The following TTC27 variants were observed in gnomAD, a reference collection of about 807,000 sequenced individuals.
TTC27 encodes tetratricopeptide repeat domain 27.
TTC27 carries 79 observed loss-of-function variants against 115.9 expected under a neutral mutation model. The ratio of observed to expected loss-of-function variants is 0.68; its 90% CI spans 0.57 to 0.82. TTC27 has a LOEUF of 0.82. TTC27 is among the 40% of genes least tolerant of loss of function. The probability of loss-of-function intolerance (pLI) is 0.00; values close to 1 mark genes in which losing one functional copy is unlikely to be tolerated. For missense variants in TTC27, 1,054 were observed against 993.1 expected (o/e 1.06, Z -0.82); for synonymous variants, 401 against 356.0 (o/e 1.13, Z -1.42).
intron 11 of TTC27, among the ~76,000 whole-genome samples, chr2:32,735,447 A>G (rs1668423492): frequency 6.6e-6 from 1 of 152,182 alleles, no homozygotes; most frequent in Non-Finnish European, 1.5e-5. Context: ...CAGAAACATT[A>G]GGAAACAAAT....
intron 10 of TTC27, among the ~76,000 whole-genome samples, chr2:32,729,896 T>A (rs1306204941): frequency 1.3e-5 from 2 of 152,130 alleles, no homozygotes; most frequent in Non-Finnish European, 2.9e-5. Flanking sequence ...GACTAAGCCC[T>A]AAAATTAATG....
At chr2:32,678,302 A>AATCGCATTTTT (rs1228218818) in intron 8 of TTC27, among the ~76,000 whole-genome samples, 2 of 151,944 alleles carry the variant, frequency 1.3e-5, no homozygotes, top group Non-Finnish European at 2.9e-5. Context: ...TTAGTACACC[A>AATCGCATTTTT]ATCGCATTTT....
rs779565796 is a variant in TTC27, at chr2:32,678,875, A to G, written c.1072A>G (p.Asn358Asp). 2 of 1,612,070 alleles carry G rather than the reference A, an allele frequency of 1.2e-6. No homozygotes were observed. The highest frequency in any genetic ancestry group is 8.5e-7 in the Non-Finnish European group (1 of 1,178,982). ...LGICTNFQKN[N>D]PVHTLTEVEL... ...TTAAAGCACTAATTTTCAAAAGAAT[A>G]ACCCAGTGCACACATTAACTGAAGT... The change falls in exon 9 of 20, where the codon AAC (asparagine) becomes GAC (aspartate). Residue 358 changes from asparagine (N) to aspartate (D), a missense_variant. Physicochemically the swap from Asn to Asp is conservative, Grantham distance 23. Coordinates refer to ENST00000317907, the MANE Select transcript of TTC27 (RefSeq NM_017735.5).
chr2:32,755,680 T>C (rs138313276), intron 12 of TTC27, among the ~76,000 whole-genome samples: 1,685 of 152,268 alleles, frequency 0.011, 31 homozygotes, highest in African/African-American at 0.038. Context: ...CTAATTCAGC[T>C]ATCCTATAGG....
chr2:32,666,655 C>A lies in TTC27; in HGVS notation c.826C>A (p.Arg276=). The change falls in exon 7 of 20, where the codon CGG becomes AGG. Residue 276 remains arginine, a synonymous_variant. Coordinates refer to ENST00000317907, the MANE Select transcript of TTC27 (RefSeq NM_017735.5). ...TTCAGGTGCTTTGGGAAAAAGAACA[C>A]GGTTCCAGGAAAATTATGTGGCACA... ...DLTGALGKRT[R]FQENYVAQLI... 1.2e-6 allele frequency: 2 copies of A among 1,613,556 alleles called. No homozygotes were observed. Among genetic ancestry groups the A allele is most frequent in the Non-Finnish European group, 8.5e-7 (1 of 1,179,784 alleles).
intron 16 of TTC27, among the ~76,000 whole-genome samples, chr2:32,804,747 C>CA (rs1380389629): frequency 6.6e-6 from 1 of 151,486 alleles, no homozygotes; most frequent in Non-Finnish European, 1.5e-5. Context: ...GGAGATAAAA[C>CA]AGTTTATATA....
intron 5 of TTC27, among the ~76,000 whole-genome samples, chr2:32,651,026 CA>C (rs1327345139): frequency 6.6e-6 from 1 of 151,776 alleles, no homozygotes; most frequent in African/African-American, 2.4e-5. Context: ...AAAACAAAAA[CA>C]AAAACAGATT....
At chr2:32,709,736 A>G (rs1667511512) in intron 10 of TTC27, among the ~76,000 whole-genome samples, 1 of 152,152 alleles carries the variant, frequency 6.6e-6, no homozygotes, top group African/African-American at 2.4e-5. Flanking sequence ...GTGATGCTGA[A>G]AAAGCTGATA....
chr2:32,723,728 CTCCTTCCTTCCTTCCT>C (rs3077160), intron 10 of TTC27, among the ~76,000 whole-genome samples: 10 of 29,528 alleles, frequency 3.4e-4, no homozygotes, highest in East Asian at 1.6e-3. Context: ...CCCTCCCTCC[CTCCTTCCTTCCTTCCT>C]TCCTTCCTTC....
intron 16 of TTC27, among the ~76,000 whole-genome samples, chr2:32,801,582 A>T (rs1002087942): frequency 6.6e-6 from 1 of 152,176 alleles, no homozygotes; most frequent in Non-Finnish European, 1.5e-5. Context: ...GTGCACGTGA[A>T]TTTTGGGGGA....
chr2:32,709,459 A>G (rs1446189621), intron 10 of TTC27, among the ~76,000 whole-genome samples: 1 of 152,212 alleles, frequency 6.6e-6, no homozygotes, highest in Non-Finnish European at 1.5e-5. Flanking sequence ...AAATATTTGC[A>G]TATACGTAAT....
chr2:32,747,454 C>G (rs1668868164), intron 12 of TTC27, among the ~76,000 whole-genome samples: 1 of 152,052 alleles, frequency 6.6e-6, no homozygotes, highest in Non-Finnish European at 1.5e-5. Context: ...TAACACAAAA[C>G]CTATTTTGTA....
intron 9 of TTC27, among the ~76,000 whole-genome samples, chr2:32,691,620 A>C (rs1264402114): frequency 2.0e-5 from 3 of 152,082 alleles, no homozygotes; most frequent in Admixed American, 2.0e-4. Context: ...ATCTTTGATG[A>C]ATACTTCTCT....
At chr2:32,784,888 GGTAGA>G (rs1488005098) in intron 15 of TTC27, among the ~76,000 whole-genome samples, 2 of 151,904 alleles carry the variant, frequency 1.3e-5, no homozygotes, top group Non-Finnish European at 2.9e-5. Context: ...GTGGTGATGT[GGTAGA>G]GTAGAGAAAG....
chr2:32,631,260 G>A (rs1003946502), intron 2 of TTC27, among the ~76,000 whole-genome samples: 1 of 152,086 alleles, frequency 6.6e-6, no homozygotes, highest in African/African-American at 2.4e-5. Flanking sequence ...CCAATATCCC[G>A]CCATTGCACT....
intron 1 of TTC27, among the ~76,000 whole-genome samples, chr2:32,629,204 C>T (rs2063538745): frequency 6.6e-6 from 1 of 151,926 alleles, no homozygotes; most frequent in Non-Finnish European, 1.5e-5. Context: ...TCACTGCAAC[C>T]TCCGCTTCCC....
At chr2:32,649,041 C>T (rs1664978967) in intron 4 of TTC27, among the ~76,000 whole-genome samples, 1 of 152,000 alleles carries the variant, frequency 6.6e-6, no homozygotes, top group Non-Finnish European at 1.5e-5. Flanking sequence ...TAAAAAAAAG[C>T]AGTTTCTGCC....
At chr2:32,706,605 C>T (rs528753893) in intron 10 of TTC27, among the ~76,000 whole-genome samples, 32 of 152,180 alleles carry the variant, frequency 2.1e-4, no homozygotes, top group African/African-American at 7.7e-4. Flanking sequence ...ACTCTTGTCG[C>T]CCAGGCTGGA....
At chr2:32,787,693 AAAG>A (rs1670395745) in intron 16 of TTC27, among the ~76,000 whole-genome samples, 1 of 152,168 alleles carries the variant, frequency 6.6e-6, no homozygotes, top group Non-Finnish European at 1.5e-5. Flanking sequence ...ATTAAATAAA[AAAG>A]ACCATTTTGG....
Sources: allele counts gnomAD v4.1 joint callset (sites outside exome capture counted in the v4.1 genomes callset), GRCh38; gene constraint gnomAD v4.1.1; transcripts MANE v1.5; gene names NCBI Gene and HGNC (gene_info 2026-07-23, HGNC 2026-07-21).